Variants in MED13L observed in about 807,000 individuals in gnomAD.
MED13L encodes the protein mediator of RNA polymerase II transcription subunit 13-like.
In MED13L, 7 loss-of-function variants were observed where a neutral mutation model predicts 220.9. The observed-to-expected ratio is 0.03, with a 90% CI of 0.02 to 0.06. MED13L has a LOEUF of 0.06. MED13L is among the 10% of genes least tolerant of loss of function. MED13L has a pLI of 1.00. For missense variants in MED13L, 1,965 were observed against 2,760.5 expected (o/e 0.71, Z 6.46); for synonymous variants, 1,011 against 1,015.2 (o/e 1.00, Z 0.08).
At chr12:116,088,712 A>T (rs1593030237) in intron 4 of MED13L, among the ~76,000 whole-genome samples, 1 of 152,016 alleles carries the variant, frequency 6.6e-6, no homozygotes, top group Non-Finnish European at 1.5e-5. Context: ...CCCCTTGCTT[A>T]AAAAAGAAAG....
chr12:116,233,601 T>A (rs559689753), intron 2 of MED13L, among the ~76,000 whole-genome samples: 2 of 152,224 alleles, frequency 1.3e-5, no homozygotes, highest in African/African-American at 4.8e-5. Context: ...CCTGTAGGTC[T>A]TTGCACAGTA....
chr12:115,978,895 C>T (rs1196831897), intron 23 of MED13L, among the ~76,000 whole-genome samples: 1 of 152,140 alleles, frequency 6.6e-6, no homozygotes, highest in African/African-American at 2.4e-5. Flanking sequence ...ATAATAAAAA[C>T]TATAAATTCT....
chr12:115,963,602 A>C (rs2137191805), intron 29 of MED13L, 83 bp from the exon 30 acceptor site: 1 of 1,024,362 alleles, frequency 9.8e-7, no homozygotes, highest in Non-Finnish European at 1.5e-6. Flanking sequence ...TGCCAGAAGC[A>C]GATGCTCCCA....
Position 116,074,389 on chromosome 12 carries a change from T to C in MED13L, c.479+22280A>G, listed in dbSNP as rs1238233530. ...TAGCCTGGGCGACAGAGTGAGACTC[T>C]GCCTCAAAACAACAACAAAAAACTC... is the stretch of plus-strand genomic sequence containing the variant. On this transcript the variant is annotated intron_variant, in intron 4 of 30. Coordinates refer to ENST00000281928, the MANE Select transcript of MED13L (RefSeq NM_015335.5). 1.2e-4 allele frequency among the ~76,000 whole-genome samples: 18 copies of C among 152,320 alleles called. No individual in the cohort carries two copies. The South Asian group carries it at 3.5e-3, about 30-fold the overall frequency.
chr12:115,970,009 T>A (rs1183107327), intron 27 of MED13L, among the ~76,000 whole-genome samples: 2 of 152,216 alleles, frequency 1.3e-5, no homozygotes, highest in African/African-American at 4.8e-5. Context: ...ATACCAGATA[T>A]AAAATTTGGT....
intron 16 of MED13L, among the ~76,000 whole-genome samples, chr12:115,994,867 T>C (rs557675048): frequency 6.6e-6 from 1 of 152,156 alleles, no homozygotes; most frequent in South Asian, 2.1e-4. Flanking sequence ...TGCTGGTGCA[T>C]TGTTATTTCC....
intron 1 of MED13L, among the ~76,000 whole-genome samples, chr12:116,254,851 C>T (rs563136831): frequency 5.9e-5 from 9 of 152,154 alleles, no homozygotes; most frequent in Admixed American, 3.9e-4. Flanking sequence ...AAAGTATGTT[C>T]CAGATCTATA....
chr12:116,132,418 T>C (rs1257138672), intron 2 of MED13L, among the ~76,000 whole-genome samples: 2 of 152,124 alleles, frequency 1.3e-5, no homozygotes, highest in Non-Finnish European at 1.5e-5. Flanking sequence ...AACTCTACTG[T>C]AATACCATTC....
intron 14 of MED13L, among the ~76,000 whole-genome samples, chr12:116,002,086 C>A (rs1255201286): frequency 6.6e-6 from 1 of 152,190 alleles, no homozygotes; most frequent in East Asian, 1.9e-4. Flanking sequence ...TGAAATTCTG[C>A]AGTGCAGAGT....
intron 24 of MED13L, 44 bp downstream of exon 24, chr12:115,975,471 T>C (rs1746024437): frequency 1.9e-6 from 3 of 1,600,942 alleles, no homozygotes; most frequent in Non-Finnish European, 2.6e-6. Context: ...TGAGGAACGG[T>C]ACAGCATTAA....
chr12:115,995,282 G>A (rs779707744), intron 16 of MED13L, among the ~76,000 whole-genome samples: 1 of 152,136 alleles, frequency 6.6e-6, no homozygotes, highest in Non-Finnish European at 1.5e-5. Context: ...CAACTCTTTT[G>A]CATTTACCCT....
rs1879642923 is a variant in MED13L, at chr12:116,015,089, A to G, written c.1175+20T>C. 6.2e-7 allele frequency: 1 copy of G among 1,605,480 alleles called. No homozygotes were observed. The highest frequency in any genetic ancestry group is 8.5e-7 in the Non-Finnish European group (1 of 1,172,314). On this transcript the variant is annotated intron_variant, in intron 8 of 30. Transcript: ENST00000281928. ...AGATGGTTACTAAACTATGATCTAG[A>G]CATAATCGAGAAAACTTACTTGGAC...
chr12:116,243,608 C>T (rs545963039), intron 1 of MED13L, among the ~76,000 whole-genome samples: 8 of 151,684 alleles, frequency 5.3e-5, no homozygotes, highest in Admixed American at 1.3e-4. Flanking sequence ...TGCAGTGACC[C>T]ACAGCAACTA....
intron 25 of MED13L, among the ~76,000 whole-genome samples, chr12:115,974,812 C>T (rs1243155478): frequency 6.6e-6 from 1 of 152,180 alleles, no homozygotes; most frequent in African/African-American, 2.4e-5. Flanking sequence ...TTTTATATGA[C>T]TTCAACTGTC....
chr12:116,199,604 T>A (rs1881865379), intron 2 of MED13L, among the ~76,000 whole-genome samples: 2 of 152,224 alleles, frequency 1.3e-5, no homozygotes. Flanking sequence ...TAGCACTGAT[T>A]GCCCTAAAGC....
chr12:116,267,945 A>G (rs1872959609), intron 1 of MED13L, among the ~76,000 whole-genome samples: 1 of 152,240 alleles, frequency 6.6e-6, no homozygotes, highest in East Asian at 1.9e-4. Context: ...GCCACAGTAC[A>G]TACAGTCTAG....
chr12:115,965,924 A>G (rs1876124464), intron 29 of MED13L, among the ~76,000 whole-genome samples, 158 bp downstream of exon 29: 1 of 152,188 alleles, frequency 6.6e-6, no homozygotes, highest in Non-Finnish European at 1.5e-5. Flanking sequence ...CTCTCCACCT[A>G]CAACTGTAAT....
chr12:116,168,311 C>T (rs1429809746), intron 2 of MED13L, among the ~76,000 whole-genome samples: 1 of 149,712 alleles, frequency 6.7e-6, no homozygotes, highest in East Asian at 1.9e-4. Context: ...GTGTCTTGTG[C>T]TTAATAAACA....
chr12:116,155,242 A>C (rs1312604045), intron 2 of MED13L, among the ~76,000 whole-genome samples: 2 of 152,138 alleles, frequency 1.3e-5, no homozygotes, highest in East Asian at 1.9e-4. Flanking sequence ...TAGGCAACAC[A>C]GAGAAACCGT....
Sources: allele counts gnomAD v4.1 joint callset (sites outside exome capture counted in the v4.1 genomes callset), GRCh38; gene constraint gnomAD v4.1.1; transcripts MANE v1.5; gene names NCBI Gene and HGNC (gene_info 2026-07-23, HGNC 2026-07-21).